The following AGPAT4 variants were observed in gnomAD, a reference collection of about 807,000 sequenced individuals.
The protein encoded by AGPAT4 is 1-acyl-sn-glycerol-3-phosphate acyltransferase delta.
In AGPAT4, 15 loss-of-function variants were observed where a neutral mutation model predicts 48.0. The ratio of observed to expected loss-of-function variants is 0.31; its 90% confidence interval spans 0.21 to 0.48. The LOEUF (loss-of-function observed/expected upper bound fraction) is 0.48, where lower values mean the gene tolerates loss of function less well. Ranked by LOEUF, AGPAT4 falls within the 20% of genes least tolerant of loss-of-function variation. The pLI is 0.99. For missense variants in AGPAT4, 314 were observed against 482.5 expected (o/e 0.65, Z 3.27); for synonymous variants, 178 against 198.7 (o/e 0.90, Z 0.88).
At chr6:161,151,855 G>T (rs1779600231) in intron 5 of AGPAT4, among the ~76,000 whole-genome samples, 1 of 152,196 alleles carries the variant, frequency 6.6e-6, no homozygotes, top group Non-Finnish European at 1.5e-5. Flanking sequence ...AGCAATGGGG[G>T]CATCCTTGGC....
rs1310757286 is a variant in AGPAT4 at position 161,135,137 on chromosome 6, A to C, written c.*1403T>G. The C allele has an allele frequency of 6.6e-6, 1 of 152,232 alleles. No homozygotes were observed. The highest frequency in any genetic ancestry group is 1.5e-5 in the Non-Finnish European group (1 of 68,040). 9.4% of individuals were successfully genotyped at this position (152,232 alleles called of 1,614,324 possible). A position where few individuals can be genotyped will look rare whatever the true frequency, so the allele number is the denominator to read the frequency against. On this transcript the variant is annotated 3_prime_UTR_variant, in exon 9 of 9. Transcript: ENST00000320285. ...AATAGCCAAAAACATAACTGCATAGAATAGGCCTTATAATGTGTGGCCAGT... is the reference window on the plus strand; with the variant it reads ...AATAGCCAAAAACATAACTGCATAGCATAGGCCTTATAATGTGTGGCCAGT...
rs1782235382 is a variant in AGPAT4, at chr6:161,235,039, G to C, written c.-89-2737C>G. ...AATCAGACAAGGCTTGGTTTGTTTT[G>C]GGTCTTGAGTTTCAGCTCCACTTCT... On this transcript the variant is annotated intron_variant, in intron 1 of 8. Transcript: ENST00000320285. The surrounding 1 kb of genome is among the most constrained non-coding windows in gnomAD (Gnocchi z 6.2). Among the ~76,000 whole-genome samples, 1 of 151,808 alleles carries C rather than the reference G, an allele frequency of 6.6e-6. No homozygotes were observed. The highest frequency in any genetic ancestry group is 2.4e-5 in the African/African-American group (1 of 41,316).
chr6:161,234,939 C>T lies in AGPAT4; in HGVS notation c.-89-2637G>A, dbSNP rs1782231863. Among the ~76,000 whole-genome samples the T allele has an allele frequency of 6.6e-6, 1 of 151,934 alleles. No individual in the cohort carries two copies. On this transcript the variant is annotated intron_variant, in intron 1 of 8. Coordinates refer to ENST00000320285, the MANE Select transcript of AGPAT4 (RefSeq NM_020133.3). The surrounding 1 kb of genome is among the most constrained non-coding windows in gnomAD (Gnocchi z 4.4). ...TTACCGTGCGTAAAACCCTCACTAG[C>T]AATGCATGAACCAGGGTCTCAGATA...
At position 161,218,161 on chromosome 6, in the gene AGPAT4, C is replaced by G. The variant is rs1236666926; in HGVS notation, c.178+13875G>C. Among the ~76,000 whole-genome samples, 1 of 152,178 alleles carries G rather than the reference C, an allele frequency of 6.6e-6. No homozygotes were observed. The highest frequency in any genetic ancestry group is 1.5e-5 in the Non-Finnish European group (1 of 68,038). ...GCACAAGATGACTGTAGCTCTCTAC[C>G]CCCGTCCACAGTGACGGTGCCAATG... is the stretch of plus-strand genomic sequence containing the variant. On this transcript the variant is annotated intron_variant, in intron 2 of 8. Transcript: ENST00000320285. This position sits in a 1 kb window ranked among gnomAD's most constrained non-coding sequence, Gnocchi z 4.7.
At chr6:161,224,892 T>C (rs559282509) in intron 2 of AGPAT4, among the ~76,000 whole-genome samples, 2 of 152,358 alleles carry the variant, frequency 1.3e-5, no homozygotes, top group African/African-American at 4.8e-5. Context: ...GTTCTAAATT[T>C]CTTTTCAAAG....
rs988366799 is a variant in AGPAT4, at chr6:161,215,426, C to A, written c.178+16610G>T. On this transcript the variant is annotated intron_variant, in intron 2 of 8. Coordinates refer to ENST00000320285, the MANE Select transcript of AGPAT4 (RefSeq NM_020133.3). This position sits in a 1 kb window ranked among gnomAD's most constrained non-coding sequence, Gnocchi z 4.5. ...TGGATTTACAAAACATACGCATATA[C>A]CCAGCAAACACAGACTGACAGTGAC... Among the ~76,000 whole-genome samples, 2 of 152,150 alleles carry A rather than the reference C, an allele frequency of 1.3e-5. No individual in the cohort carries two copies. Among genetic ancestry groups the A allele is most frequent in the Non-Finnish European group, 2.9e-5 (2 of 68,034 alleles).
intron 1 of AGPAT4, among the ~76,000 whole-genome samples, chr6:161,237,259 T>C (rs1021852725): frequency 1.3e-5 from 2 of 152,234 alleles, no homozygotes; most frequent in Admixed American, 1.3e-4. Context: ...TTAGTAGATA[T>C]TGAATTTAGC....
At position 161,243,633 on chromosome 6, in the gene AGPAT4, G is replaced by A. The variant is rs575267307; in HGVS notation, c.-89-11331C>T. 6.6e-6 allele frequency among the ~76,000 whole-genome samples: 1 copy of A among 152,284 alleles called. No homozygotes were observed. The highest frequency in any genetic ancestry group is 1.9e-4 in the East Asian group (1 of 5,178). On this transcript the variant is annotated intron_variant, in intron 1 of 8. Coordinates refer to ENST00000320285, the MANE Select transcript of AGPAT4 (RefSeq NM_020133.3). This position sits in a 1 kb window ranked among gnomAD's most constrained non-coding sequence, Gnocchi z 4.8. ...TGCTGTAACAATTACACACAGGAAGGCAGAGAAACAGCACAACAGCTGCAG... is the reference window on the plus strand; with the variant it reads ...TGCTGTAACAATTACACACAGGAAGACAGAGAAACAGCACAACAGCTGCAG...
rs1039661956 is a variant in AGPAT4 at position 161,158,874 on chromosome 6, C to A, written c.349-4564G>T. On this transcript the variant is annotated intron_variant, in intron 3 of 8. Transcript: ENST00000320285. This position sits in a 1 kb window ranked among gnomAD's most constrained non-coding sequence, Gnocchi z 5.3. ...CCTGCTCCTGCACCGCCTCCACCCC[C>A]ACTAACACCAGCAAGGAACCCCTCA... Among the ~76,000 whole-genome samples the A allele has an allele frequency of 6.6e-6, 1 of 152,228 alleles. No homozygotes were observed. Among genetic ancestry groups the A allele is most frequent in the East Asian group, 1.9e-4 (1 of 5,190 alleles).
At position 161,240,070 on chromosome 6, in the gene AGPAT4, A is replaced by G; in HGVS notation, c.-89-7768T>C. On this transcript the variant is annotated intron_variant, in intron 1 of 8. Coordinates refer to ENST00000320285, the MANE Select transcript of AGPAT4 (RefSeq NM_020133.3). The surrounding 1 kb of genome is among the most constrained non-coding windows in gnomAD (Gnocchi z 5.5). The stretch of plus-strand genomic sequence containing the variant: ...CAAATGGAATAGGTGAAGTGTCACT[A>G]AAATAGGTTTGCAGTAAAATGGATA... Among the ~76,000 whole-genome samples the G allele has an allele frequency of 6.6e-6, 1 of 152,178 alleles. No homozygotes were observed.
chr6:161,179,327 G>A (rs757009797), intron 2 of AGPAT4, among the ~76,000 whole-genome samples: 4 of 152,172 alleles, frequency 2.6e-5, no homozygotes, highest in Non-Finnish European at 5.9e-5. Context: ...GACACTAAAA[G>A]CCATGATTAT....
rs955323280 is a variant in AGPAT4 at position 161,260,678 on chromosome 6, A to C, written c.-90+13260T>G. Among the ~76,000 whole-genome samples the C allele has an allele frequency of 3.3e-3, 499 of 150,320 alleles. 1 individual carries two copies. The highest frequency in any genetic ancestry group is 5.4e-3 in the Admixed American group (81 of 15,134). Reference sequence around the variant, plus strand: ...CTCAAAAAAAAAAAAAAAAAAAAAAAAAAACAGGATTCAGCCTGGGCAACA... The same window carrying C: ...CTCAAAAAAAAAAAAAAAAAAAAAACAAAACAGGATTCAGCCTGGGCAACA... On this transcript the variant is annotated intron_variant, in intron 1 of 8. Coordinates refer to ENST00000320285, the MANE Select transcript of AGPAT4 (RefSeq NM_020133.3).
In AGPAT4 at chr6:161,231,643, C is replaced by T. The variant is rs143944753; in HGVS notation, c.178+393G>A. Among the ~76,000 whole-genome samples the T allele has an allele frequency of 6.6e-6, 1 of 151,814 alleles. No individual in the cohort carries two copies. Among genetic ancestry groups the T allele is most frequent in the East Asian group, 1.9e-4 (1 of 5,188 alleles). On this transcript the variant is annotated intron_variant, in intron 2 of 8. Transcript: ENST00000320285. The surrounding 1 kb of genome is among the most constrained non-coding windows in gnomAD (Gnocchi z 5.3). ...CCACTTAGTTTTTTAAAAAAAAATACGTATGTATATGTATCTATATAGATA... is the reference window on the plus strand; with the variant it reads ...CCACTTAGTTTTTTAAAAAAAAATATGTATGTATATGTATCTATATAGATA...
In AGPAT4 at chr6:161,146,692, C is replaced by G; in HGVS notation, c.768-93G>C. 1 of 1,129,202 alleles carries G rather than the reference C, an allele frequency of 8.9e-7. No homozygotes were observed. Among genetic ancestry groups the G allele is most frequent in the Admixed American group, 1.9e-5 (1 of 52,898 alleles). The allele number at this position is 1,129,202 out of a possible 1,614,324, so 69.9% of individuals were successfully genotyped here. ...CGGTGCTGCCGTTTTTTGTTTTTAT[C>G]TGGGTCACCTAAATAATGTGGAACT... On this transcript the variant is annotated intron_variant, in intron 6 of 8. Transcript: ENST00000320285. This position sits in a 1 kb window ranked among gnomAD's most constrained non-coding sequence, Gnocchi z 7.1.
chr6:161,165,059 T>C lies in AGPAT4; in HGVS notation c.348+1189A>G, dbSNP rs1455017711. On this transcript the variant is annotated intron_variant, in intron 3 of 8. Transcript: ENST00000320285. This position sits in a 1 kb window ranked among gnomAD's most constrained non-coding sequence, Gnocchi z 5.5. ...CCCTGCCATTCACCCCTGGTATCCATGACGGGGTTAGGACCATGACATTCT... is the reference window on the plus strand; with the variant it reads ...CCCTGCCATTCACCCCTGGTATCCACGACGGGGTTAGGACCATGACATTCT... Among the ~76,000 whole-genome samples the C allele has an allele frequency of 6.6e-6, 1 of 152,178 alleles. No individual in the cohort carries two copies. The highest frequency in any genetic ancestry group is 1.5e-5 in the Non-Finnish European group (1 of 68,034).
At position 161,270,137 on chromosome 6, in the gene AGPAT4, C is replaced by G. The variant is rs1381273383; in HGVS notation, c.-90+3801G>C. 6.6e-6 allele frequency among the ~76,000 whole-genome samples: 1 copy of G among 152,232 alleles called. No individual in the cohort carries two copies. The highest frequency in any genetic ancestry group is 2.4e-5 in the African/African-American group (1 of 41,452). ...TTTCCCTTGTAAACCCATTTGAAAA[C>G]TATAACTATTTAAACTGTATCTTGT... On this transcript the variant is annotated intron_variant, in intron 1 of 8. Coordinates refer to ENST00000320285, the MANE Select transcript of AGPAT4 (RefSeq NM_020133.3). This position sits in a 1 kb window ranked among gnomAD's most constrained non-coding sequence, Gnocchi z 5.3.
chr6:161,165,691 C>A lies in AGPAT4; in HGVS notation c.348+557G>T. On this transcript the variant is annotated intron_variant, in intron 3 of 8. Transcript: ENST00000320285. This position sits in a 1 kb window ranked among gnomAD's most constrained non-coding sequence, Gnocchi z 5.5. Reference sequence around the variant, plus strand: ...GAAGAGACCCAGTTCCAAAGGCATGCAAGCTACGTGCAAGAGGTCAAACTA... The same window carrying A: ...GAAGAGACCCAGTTCCAAAGGCATGAAAGCTACGTGCAAGAGGTCAAACTA... 8.4e-7 allele frequency: 1 copy of A among 1,184,822 alleles called. No individual in the cohort carries two copies. Among genetic ancestry groups the A allele is most frequent in the Non-Finnish European group, 1.1e-6 (1 of 880,240 alleles). The allele number at this position is 1,184,822 out of a possible 1,614,324, so 73.4% of individuals were successfully genotyped here. A position where few individuals can be genotyped will look rare whatever the true frequency, so the allele number is the denominator to read the frequency against.
chr6:161,153,426 T>G lies in AGPAT4; in HGVS notation c.584A>C (p.Lys195Thr), dbSNP rs1464564247. Reference sequence around the variant, plus strand: ...GTGATGCTTGAGGCGAGGCAGCCCCTTGGCCCGGGCCACCTGCATGCTGAT... The same window carrying G: ...GTGATGCTTGAGGCGAGGCAGCCCCGTGGCCCGGGCCACCTGCATGCTGAT... ...HEISMQVARA[K>T]GLPRLKHHLL... Residue 195 changes from lysine to threonine, a missense_variant, in exon 5 of 9, where the codon AAG becomes ACG. Transcript: ENST00000320285. 2 of 1,612,064 alleles carry G rather than the reference T, an allele frequency of 1.2e-6. No homozygotes were observed. The highest frequency in any genetic ancestry group is 8.5e-7 in the Non-Finnish European group (1 of 1,179,296).
At chr6:161,263,079 G>GCAAAGGCA (rs1353003551) in intron 1 of AGPAT4, among the ~76,000 whole-genome samples, 2 of 152,124 alleles carry the variant, frequency 1.3e-5, no homozygotes, top group Non-Finnish European at 2.9e-5. Flanking sequence ...AGGAAAAAGA[G>GCAAAGGCA]CAAAGGCAGA....
Sources: allele counts gnomAD v4.1 joint callset (sites outside exome capture counted in the v4.1 genomes callset), GRCh38; gene constraint gnomAD v4.1.1; non-coding constraint Gnocchi (gnomAD v3.1); transcripts MANE v1.5; gene names NCBI Gene and HGNC (gene_info 2026-07-23, HGNC 2026-07-21).